SSBP2: variants seen among roughly 807,000 people sequenced by gnomAD.
SSBP2 encodes the protein single-stranded DNA-binding protein 2.
Under a neutral mutation model 61.8 loss-of-function variants are expected in SSBP2, and 17 were observed. The observed-to-expected ratio is 0.28, with a 90% CI of 0.19 to 0.41. SSBP2 has a LOEUF of 0.41. Among genes scored for constraint, SSBP2 ranks in the 10% least tolerant of loss-of-function variants. The probability of loss-of-function intolerance (pLI) is 1.00; values close to 1 mark genes in which losing one functional copy is unlikely to be tolerated. For missense variants in SSBP2, 310 were observed against 458.7 expected (o/e 0.68, Z 2.96); for synonymous variants, 139 against 141.3 (o/e 0.98, Z 0.12).
intron 1 of SSBP2, among the ~76,000 whole-genome samples, chr5:81,748,319 T>C (rs1757485130): frequency 6.6e-6 from 1 of 152,342 alleles, no homozygotes; most frequent in East Asian, 1.9e-4. Flanking sequence ...AGGAGAATTC[T>C]TCACCTTTTA....
chr5:81,644,680 T>A (rs1441769338), intron 2 of SSBP2, among the ~76,000 whole-genome samples: 2 of 152,002 alleles, frequency 1.3e-5, no homozygotes. Context: ...TCTGAAATCA[T>A]GAGAAAAACA....
intron 5 of SSBP2, among the ~76,000 whole-genome samples, chr5:81,499,513 T>A (rs1415827407): frequency 6.6e-6 from 1 of 152,202 alleles, no homozygotes; most frequent in Non-Finnish European, 1.5e-5. Flanking sequence ...AATGTTTTCA[T>A]AATATTCTAT....
chr5:81,646,456 G>A (rs1375933265), intron 2 of SSBP2, among the ~76,000 whole-genome samples: 1 of 152,034 alleles, frequency 6.6e-6, no homozygotes, highest in Non-Finnish European at 1.5e-5. Context: ...GTAGACTAGG[G>A]AGGATTTAGG....
chr5:81,686,496 G>A (rs902703510), intron 1 of SSBP2, among the ~76,000 whole-genome samples: 1 of 152,022 alleles, frequency 6.6e-6, no homozygotes, highest in Non-Finnish European at 1.5e-5. Context: ...TAGTTTCATA[G>A]GACATAGTGA....
intron 6 of SSBP2, among the ~76,000 whole-genome samples, chr5:81,475,725 C>T (rs1189087626): frequency 6.6e-6 from 1 of 152,046 alleles, no homozygotes; most frequent in Non-Finnish European, 1.5e-5. Context: ...AGCTTACAGA[C>T]CCTTAAGTAG....
intron 14 of SSBP2, among the ~76,000 whole-genome samples, chr5:81,439,005 T>C (rs908171778): frequency 2.0e-5 from 3 of 152,196 alleles, no homozygotes; most frequent in South Asian, 4.1e-4. Flanking sequence ...GCTAGTGCAA[T>C]TGGACAGTGC....
intron 1 of SSBP2, among the ~76,000 whole-genome samples, chr5:81,733,521 A>G (rs1030325643): frequency 2.6e-5 from 4 of 152,200 alleles, no homozygotes; most frequent in African/African-American, 7.2e-5. Context: ...AGTAAACTAT[A>G]TATTTCAAAA....
At chr5:81,595,522 C>G (rs150255419) in intron 4 of SSBP2, among the ~76,000 whole-genome samples, 14,361 of 152,028 alleles carry the variant, frequency 0.094, 1,314 homozygotes, top group African/African-American at 0.24. Context: ...ACCAAAGCCT[C>G]GCAGAGACAC....
intron 1 of SSBP2, among the ~76,000 whole-genome samples, chr5:81,682,449 C>T (rs1275672350): frequency 6.6e-6 from 1 of 152,148 alleles, no homozygotes; most frequent in East Asian, 1.9e-4. Flanking sequence ...TACATCCATA[C>T]ATGTAGCATT....
intron 4 of SSBP2, among the ~76,000 whole-genome samples, chr5:81,592,205 A>G (rs1432780818): frequency 1.3e-5 from 2 of 152,234 alleles, no homozygotes; most frequent in African/African-American, 4.8e-5. Context: ...CTTGGCTCGG[A>G]GGGTCCTACG....
chr5:81,533,259 T>TA (rs1375272327), intron 4 of SSBP2, among the ~76,000 whole-genome samples: 1 of 151,896 alleles, frequency 6.6e-6, no homozygotes, highest in African/African-American at 2.4e-5. Context: ...CATTTGGAAT[T>TA]AAAAAATACT....
chr5:81,491,088 C>T (rs570692491), intron 5 of SSBP2, among the ~76,000 whole-genome samples: 2 of 152,234 alleles, frequency 1.3e-5, no homozygotes, highest in African/African-American at 2.4e-5. Flanking sequence ...TTATAAATCA[C>T]CTAATTTCAC....
chr5:81,495,426 G>A (rs1201163027), intron 5 of SSBP2, among the ~76,000 whole-genome samples: 1 of 152,122 alleles, frequency 6.6e-6, no homozygotes, highest in East Asian at 1.9e-4. Flanking sequence ...CTCTGTTCCT[G>A]AAGATTACGC....
intron 1 of SSBP2, among the ~76,000 whole-genome samples, chr5:81,700,349 G>C (rs1753898407): frequency 6.6e-6 from 1 of 152,124 alleles, no homozygotes; most frequent in Admixed American, 6.5e-5. Context: ...CTCAACAGTG[G>C]GCTTAAAATA....
intron 3 of SSBP2, 25 bp downstream of exon 3, chr5:81,636,532 T>C (rs558298828): frequency 7.5e-5 from 119 of 1,587,136 alleles, no homozygotes; most frequent in Non-Finnish European, 1.0e-4. Flanking sequence ...ATCAAGCCAG[T>C]AAAAATGGAA....
At chr5:81,675,876 G>C (rs1380029250) in intron 1 of SSBP2, among the ~76,000 whole-genome samples, 1 of 151,724 alleles carries the variant, frequency 6.6e-6, no homozygotes, top group African/African-American at 2.4e-5. Flanking sequence ...TCTCCTCTAC[G>C]TAGACCTAAA....
chr5:81,576,182 A>G (rs1396388788), intron 4 of SSBP2, among the ~76,000 whole-genome samples: 2 of 148,664 alleles, frequency 1.3e-5, no homozygotes, highest in African/African-American at 4.9e-5. Context: ...TTCCTCTATC[A>G]GGCTTCTTTT....
At chr5:81,429,266 A>C (rs1762143496) in intron 15 of SSBP2, among the ~76,000 whole-genome samples, 1 of 152,234 alleles carries the variant, frequency 6.6e-6, no homozygotes, top group Non-Finnish European at 1.5e-5. Flanking sequence ...TTAGAGGAAA[A>C]GGAGGCTCAA....
At chr5:81,514,522 T>C (rs1042907022) in intron 4 of SSBP2, among the ~76,000 whole-genome samples, 2 of 151,988 alleles carry the variant, frequency 1.3e-5, no homozygotes, top group South Asian at 4.1e-4. Flanking sequence ...CAATCATAGA[T>C]TTCATCCCTC....
Sources: gnomAD v4.1 joint callset for allele counts (sites outside exome capture counted in the v4.1 genomes callset) on GRCh38, gnomAD v4.1.1 for gene constraint, MANE v1.5 for transcripts, NCBI Gene and HGNC (gene_info 2026-07-23, HGNC 2026-07-21) for gene names.